The following SYN3 variants were observed in gnomAD, a reference collection of about 807,000 sequenced individuals.
SYN3 encodes synapsin III.
In SYN3, 35 loss-of-function variants were observed where a neutral mutation model predicts 65.8. That is an observed-to-expected ratio of 0.53 (90% CI 0.41 to 0.70). SYN3 has a LOEUF of 0.70. Ranked by LOEUF, SYN3 falls within the 30% of genes least tolerant of loss-of-function variation. The pLI is 0.00. For missense variants in SYN3, 680 were observed against 749.0 expected (o/e 0.91, Z 1.08); for synonymous variants, 270 against 292.9 (o/e 0.92, Z 0.80).
In SYN3 at chr22:32,868,932, AGATCCCTCCAGGTCAGCCTGCCCT is replaced by A; in HGVS notation, c.621+10_621+33del. 6.2e-7 allele frequency: 1 copy of A among 1,600,700 alleles called. No individual in the cohort carries two copies. Among genetic ancestry groups the A allele is most frequent in the Non-Finnish European group, 8.5e-7 (1 of 1,171,072 alleles). On this transcript the variant is annotated intron_variant, in intron 5 of 13. Coordinates refer to ENST00000358763, the MANE Select transcript of SYN3 (RefSeq NM_003490.4). ...AGTGGGAGGCCACCCACTGCCTCCC[AGATCCCTCCAGGTCAGCCTGCCCT>A]GTCACCTACCACCCAGGGCTTGCTG...
chr22:32,823,138 AG>A (rs1230717463), intron 6 of SYN3, among the ~76,000 whole-genome samples: 1 of 152,218 alleles, frequency 6.6e-6, no homozygotes, highest in Non-Finnish European at 1.5e-5. Context: ...TGGGAAAGCA[AG>A]GACTCAAGTG....
At chr22:32,976,214 C>A (rs766307416) in intron 3 of SYN3, among the ~76,000 whole-genome samples, 10 of 152,184 alleles carry the variant, frequency 6.6e-5, no homozygotes, top group Non-Finnish European at 1.5e-4. Flanking sequence ...AAGGACAGTA[C>A]TCAAAGGAGC....
intron 1 of SYN3, among the ~76,000 whole-genome samples, chr22:33,032,225 A>G (rs1461403254): frequency 7.0e-6 from 1 of 142,238 alleles, no homozygotes; most frequent in Non-Finnish European, 1.5e-5. Flanking sequence ...AAAAAAAAAA[A>G]TGCTGGGCAT....
At chr22:32,635,180 G>T (rs2059798642) in intron 6 of SYN3, 1 of 152,164 alleles carries the variant, frequency 6.6e-6, no homozygotes, top group African/African-American at 2.4e-5. Flanking sequence ...GGTGTGTTAA[G>T]GGTGGTATGT....
chr22:32,592,325 C>CG (rs779152046), intron 7 of SYN3, among the ~76,000 whole-genome samples: 2 of 152,164 alleles, frequency 1.3e-5, no homozygotes, highest in East Asian at 3.9e-4. Flanking sequence ...GCCTCCTGCC[C>CG]GGGGGCAGAT....
chr22:32,903,508 C>T (rs1037004996), intron 4 of SYN3, among the ~76,000 whole-genome samples: 1 of 152,162 alleles, frequency 6.6e-6, no homozygotes, highest in Non-Finnish European at 1.5e-5. Flanking sequence ...AACACTAGAG[C>T]TTGTGGGTAG....
intron 6 of SYN3, among the ~76,000 whole-genome samples, chr22:32,700,462 C>A (rs1378506587): frequency 6.6e-6 from 1 of 152,146 alleles, no homozygotes; most frequent in East Asian, 1.9e-4. Flanking sequence ...TTTGAAAAGT[C>A]TGCCTGGACT....
At chr22:32,622,433 T>C (rs977680352) in intron 6 of SYN3, among the ~76,000 whole-genome samples, 1 of 152,162 alleles carries the variant, frequency 6.6e-6, no homozygotes, top group African/African-American at 2.4e-5. Context: ...CTCATTTCCA[T>C]GGAGCCTACC....
At position 32,699,610 on chromosome 22, in the gene SYN3, G is replaced by A. The variant is rs529419093; in HGVS notation, c.712-102874C>T. ...TTGACCAAGTCACATTGCTCTCGGG[G>A]CCCAATTTGTTTACCTTCAAAAGAT... On this transcript the variant is annotated intron_variant, in intron 6 of 13. Coordinates refer to ENST00000358763, the MANE Select transcript of SYN3 (RefSeq NM_003490.4). 6.2e-3 allele frequency among the ~76,000 whole-genome samples: 937 copies of A among 152,246 alleles called. 9 individuals are homozygous for A. The highest frequency in any genetic ancestry group is 0.022 in the African/African-American group (893 of 41,534).
intron 6 of SYN3, among the ~76,000 whole-genome samples, chr22:32,712,889 G>A (rs1241977309): frequency 2.6e-5 from 4 of 152,152 alleles, no homozygotes; most frequent in Non-Finnish European, 4.4e-5. Flanking sequence ...TCATACCAAA[G>A]CTTCTTCCAC....
intron 4 of SYN3, 99 bp from the exon 5 acceptor site, chr22:32,869,224 G>A: frequency 7.2e-7 from 1 of 1,381,256 alleles, no homozygotes; most frequent in East Asian, 2.4e-5. Context: ...GACTTGCAGG[G>A]CGGCAGCTTA....
At chr22:32,663,795 G>A (rs931357254) in intron 6 of SYN3, among the ~76,000 whole-genome samples, 35 of 152,174 alleles carry the variant, frequency 2.3e-4, no homozygotes, top group Admixed American at 1.9e-3. Flanking sequence ...TAAAATCCAC[G>A]TGAATAATGT....
At chr22:32,609,040 T>C (rs552151927) in intron 6 of SYN3, among the ~76,000 whole-genome samples, 1 of 152,160 alleles carries the variant, frequency 6.6e-6, no homozygotes, top group Non-Finnish European at 1.5e-5. Flanking sequence ...AGTTATTAAA[T>C]TGGGCCAGGC....
chr22:32,936,851 G>C (rs926616528), intron 3 of SYN3, among the ~76,000 whole-genome samples: 2 of 152,208 alleles, frequency 1.3e-5, no homozygotes, highest in African/African-American at 2.4e-5. Context: ...CAGTTTTACA[G>C]TGAAAGTCCC....
chr22:32,881,043 A>T (rs552731150), intron 4 of SYN3, among the ~76,000 whole-genome samples: 1 of 152,330 alleles, frequency 6.6e-6, no homozygotes, highest in East Asian at 1.9e-4. Context: ...GCTCTCCGAC[A>T]GCTGCCTGAG....
chr22:32,599,288 T>A (rs1001323378), intron 6 of SYN3, among the ~76,000 whole-genome samples: 1 of 150,434 alleles, frequency 6.6e-6, no homozygotes, highest in Non-Finnish European at 1.5e-5. Flanking sequence ...GCTTAAGAAA[T>A]AAAACACTGC....
At chr22:32,556,660 G>A (rs1478539394) in intron 7 of SYN3, among the ~76,000 whole-genome samples, 3 of 151,988 alleles carry the variant, frequency 2.0e-5, no homozygotes, top group Non-Finnish European at 4.4e-5. Flanking sequence ...AGAAGTCTCT[G>A]GTGTTATATC....
chr22:32,927,481 T>G (rs1416232509), intron 4 of SYN3, among the ~76,000 whole-genome samples: 1 of 151,832 alleles, frequency 6.6e-6, no homozygotes, highest in Non-Finnish European at 1.5e-5. Flanking sequence ...AACTCCTGAG[T>G]GCAGGCAATC....
At chr22:32,658,786 T>G (rs111557652) in intron 6 of SYN3, among the ~76,000 whole-genome samples, 3 of 152,280 alleles carry the variant, frequency 2.0e-5, no homozygotes, top group African/African-American at 7.2e-5. Context: ...AATGAGCTGT[T>G]GTCCATCTGA....
Sources: gnomAD v4.1 joint callset for allele counts (sites outside exome capture counted in the v4.1 genomes callset) on GRCh38, gnomAD v4.1.1 for gene constraint, MANE v1.5 for transcripts, NCBI Gene and HGNC (gene_info 2026-07-23, HGNC 2026-07-21) for gene names.